Variants in HOXA3 observed in about 807,000 individuals in gnomAD.
The protein encoded by HOXA3 is homeobox protein Hox-A3.
Under a neutral mutation model 30.3 loss-of-function variants are expected in HOXA3, and 8 were observed. The ratio of observed to expected loss-of-function variants is 0.26; its 90% confidence interval spans 0.15 to 0.48. HOXA3 has a LOEUF of 0.48. HOXA3 is among the 20% of genes least tolerant of loss of function. HOXA3 has a pLI of 0.99. For synonymous variants in HOXA3, 323 were observed against 273.1 expected (o/e 1.18, Z -1.80); for missense variants, 653 against 614.4 (o/e 1.06, Z -0.66).
At chr7:27,126,177 G>C (rs1298923665) in intron 3 of HOXA3, among the ~76,000 whole-genome samples, 3 of 152,128 alleles carry the variant, frequency 2.0e-5, no homozygotes, top group Non-Finnish European at 4.4e-5. Flanking sequence ...TTCTTCAAGG[G>C]GGAGAGTGTT....
At position 27,110,255 on chromosome 7, in the gene HOXA3, TGAG is replaced by T. The variant is rs754461790; in HGVS notation, c.383_385del (p.Pro128del). On this transcript the variant is annotated inframe_deletion, in exon 5 of 6. Transcript: ENST00000612286. ...AGGGGTAGGGTTGTTGCTGGCATTCTGAGGAGGGGAGGCAGAAGAGGGAGGCGG... is the reference window on the plus strand; with the variant it reads ...AGGGGTAGGGTTGTTGCTGGCATTCTGAGGGGAGGCAGAAGAGGGAGGCGG... 1.0e-5 allele frequency: 16 copies of T among 1,587,852 alleles called. No homozygotes were observed. Among genetic ancestry groups the T allele is most frequent in the African/African-American group, 1.5e-5 (1 of 68,330 alleles).
chr7:27,108,097 C>T lies in HOXA3; in HGVS notation c.1150G>A (p.Gly384Ser). The change falls in exon 6 of 6, where the codon GGT (glycine) becomes AGT (serine). Residue 384 changes from glycine (G) to serine (S), a missense_variant. By Grantham distance (56) the Gly-to-Ser change is moderately conservative. Coordinates refer to ENST00000612286, the MANE Select transcript of HOXA3 (RefSeq NM_153631.3). The surrounding 1 kb of genome is among the most constrained non-coding windows in gnomAD (Gnocchi z 5.0). The part of the protein sequence containing the change: ...PMSNSGPALF[G>S]LTHLPHAASG... ...GCAGCGTGGGGGAGGTGAGTTAGAC[C>T]AAAGAGGGCTGGCCCGGAGTTGCTC... The T allele has an allele frequency of 6.2e-7, 1 of 1,611,912 alleles. No individual in the cohort carries two copies. Among genetic ancestry groups the T allele is most frequent in the Middle Eastern group, 1.7e-4 (1 of 6,052 alleles).
At position 27,107,991 on chromosome 7, in the gene HOXA3, G is replaced by C; in HGVS notation, c.1256C>G (p.Pro419Arg). ...GTGGCCGGTAAGGTCCGTGTAGGTG[G>C]GGTGCGGCTCCCCAGGCCCCGGCCC... ...HHGPGPGEPH[P>R]TYTDLTGHHP... is the part of the protein sequence containing the mutation. The change falls in exon 6 of 6, where the codon CCC (proline) becomes CGC (arginine). Residue 419 changes from proline (P) to arginine (R), a missense_variant. Pro to Arg is a moderately radical substitution (Grantham distance 103). This residue lies in a region of HOXA3 where 330 missense variants were observed against 274.4 expected (regional missense o/e 1.20). Coordinates refer to ENST00000612286, the MANE Select transcript of HOXA3 (RefSeq NM_153631.3). 3 of 1,611,518 alleles carry C rather than the reference G, an allele frequency of 1.9e-6. No individual in the cohort carries two copies. Among genetic ancestry groups the C allele is most frequent in the Non-Finnish European group, 2.5e-6 (3 of 1,178,314 alleles).
chr7:27,108,563 C>G lies in HOXA3; in HGVS notation c.684G>C (p.Leu228=), dbSNP rs201254304. Residue 228 remains leucine, a synonymous_variant, in exon 6 of 6, where the codon CTG becomes CTC. Transcript: ENST00000612286. This position sits in a 1 kb window ranked among gnomAD's most constrained non-coding sequence, Gnocchi z 5.0. ...TCTTGATCTGGCGCTCAGTGAGGTT[C>G]AGCAGATTGGCCATCTCCACCCGGC... ...RPRRVEMANL[L]NLTERQIKIW... The G allele has an allele frequency of 6.2e-7, 1 of 1,614,172 alleles. No homozygotes were observed. Among genetic ancestry groups the G allele is most frequent in the East Asian group, 2.2e-5 (1 of 44,866 alleles).
chr7:27,136,727 T>C (rs557995043), intron 2 of HOXA3, among the ~76,000 whole-genome samples: 45 of 152,308 alleles, frequency 3.0e-4, no homozygotes, highest in African/African-American at 1.1e-3. Context: ...TCTAATAACC[T>C]TCATAACAAA....
intron 2 of HOXA3, chr7:27,129,188 A>T: frequency 8.5e-7 from 1 of 1,177,390 alleles, no homozygotes; most frequent in Non-Finnish European, 1.3e-6. Flanking sequence ...AGAGAAAAGC[A>T]GGTAAGGGAT....
At chr7:27,147,769 A>G in intron 1 of HOXA3, 1 of 1,592,662 alleles carries the variant, frequency 6.3e-7, no homozygotes, top group South Asian at 1.1e-5. Context: ...CCTCTGCAGG[A>G]CTGTGATTTG....
chr7:27,137,260 G>A (rs898878527), intron 2 of HOXA3, among the ~76,000 whole-genome samples: 1 of 152,160 alleles, frequency 6.6e-6, no homozygotes, highest in Non-Finnish European at 1.5e-5. Flanking sequence ...GGAAAGAGCA[G>A]GAGAAAGGGA....
intron 1 of HOXA3, among the ~76,000 whole-genome samples, chr7:27,144,033 A>C (rs1410921951): frequency 6.6e-6 from 1 of 152,246 alleles, no homozygotes; most frequent in Admixed American, 6.5e-5. Flanking sequence ...TCGCAGTTCC[A>C]TTAGGATGTA....
chr7:27,130,052 C>T, intron 2 of HOXA3: 1 of 1,507,460 alleles, frequency 6.6e-7, no homozygotes, highest in Non-Finnish European at 8.9e-7. Context: ...TCCCTCCTGA[C>T]CCCGACCCTC....
At position 27,110,711 on chromosome 7, in the gene HOXA3, G is replaced by A; in HGVS notation, c.-71C>T. 2 of 1,578,018 alleles carry A rather than the reference G, an allele frequency of 1.3e-6. No homozygotes were observed. Among genetic ancestry groups the A allele is most frequent in the East Asian group, 2.3e-5 (1 of 43,878 alleles). ...CACCCGTGAGGGCGCACATTGGCAC[G>A]CCCCCGCGGTCACGTGACACTCCGC... On this transcript the variant is annotated 5_prime_UTR_variant, in exon 5 of 6. Coordinates refer to ENST00000612286, the MANE Select transcript of HOXA3 (RefSeq NM_153631.3).
At chr7:27,136,189 C>T (rs146756769) in intron 2 of HOXA3, among the ~76,000 whole-genome samples, 4 of 152,370 alleles carry the variant, frequency 2.6e-5, no homozygotes, top group Non-Finnish European at 4.4e-5. Flanking sequence ...CAAAGATACA[C>T]AAAGCCGAGC....
In HOXA3 at chr7:27,113,291, C is replaced by T. The variant is rs1222737142; in HGVS notation, c.-120-2531G>A. 6.6e-6 allele frequency among the ~76,000 whole-genome samples: 1 copy of T among 152,222 alleles called. No homozygotes were observed. Among genetic ancestry groups the T allele is most frequent in the Non-Finnish European group, 1.5e-5 (1 of 68,046 alleles). On this transcript the variant is annotated intron_variant, in intron 4 of 5. Coordinates refer to ENST00000612286, the MANE Select transcript of HOXA3 (RefSeq NM_153631.3). This position sits in a 1 kb window ranked among gnomAD's most constrained non-coding sequence, Gnocchi z 4.8. Reference sequence around the variant, plus strand: ...CCAAATTCAACCTCCGTCCTTCAGACATCGCTCCCTCTTCCCATTCCCTCC... The same window carrying T: ...CCAAATTCAACCTCCGTCCTTCAGATATCGCTCCCTCTTCCCATTCCCTCC...
At chr7:27,142,270 A>G (rs1478064846) in intron 1 of HOXA3, among the ~76,000 whole-genome samples, 1 of 152,088 alleles carries the variant, frequency 6.6e-6, no homozygotes, top group African/African-American at 2.4e-5. Flanking sequence ...TACGATTTGG[A>G]CCCTGGGAAC....
chr7:27,124,008 C>T (rs747891811), intron 3 of HOXA3: 1 of 152,294 alleles, frequency 6.6e-6, no homozygotes, highest in African/African-American at 2.4e-5. Context: ...CAATTTCATT[C>T]CAGAAAGATC....
chr7:27,151,530 C>T (rs1225254432), intron 1 of HOXA3: 1 of 454,194 alleles, frequency 2.2e-6, no homozygotes, highest in Non-Finnish European at 4.4e-6. Context: ...CCGAAACTTC[C>T]CACCAAGTAA....
chr7:27,142,930 C>T (rs1782625188), intron 1 of HOXA3: 5 of 1,003,516 alleles, frequency 5.0e-6, no homozygotes, highest in Admixed American at 2.6e-5. Context: ...AGGAGAGCTC[C>T]GCAGGGCTGG....
At chr7:27,142,020 G>A (rs1408969291) in intron 1 of HOXA3, 1 of 1,614,188 alleles carries the variant, frequency 6.2e-7, no homozygotes, top group Non-Finnish European at 8.5e-7. Context: ...TCCTTCTCCA[G>A]CTCCAGGGTC....
In HOXA3 at chr7:27,110,421, T is replaced by G. The variant is rs2128040080; in HGVS notation, c.220A>C (p.Thr74Pro). 6.5e-7 allele frequency: 1 copy of G among 1,548,140 alleles called. No homozygotes were observed. The highest frequency in any genetic ancestry group is 8.7e-7 in the Non-Finnish European group (1 of 1,148,990). Residue 74 changes from threonine (T) to proline (P), a missense_variant, in exon 5 of 6, where the codon ACC becomes CCC. Physicochemically the swap from Thr to Pro is conservative, Grantham distance 38. This residue lies in a region of HOXA3 where 320 missense variants were observed against 321.9 expected (regional missense o/e 0.99). Coordinates refer to ENST00000612286, the MANE Select transcript of HOXA3 (RefSeq NM_153631.3). ...GGCTGGCTAGGTGGGGCGCTCAGGG[T>G]GCGCAGGCACGCCTCACTCAGTTCG... ...AHELSEACLR[T>P]LSAPPSQPPS...
Sources: allele counts gnomAD v4.1 joint callset (sites outside exome capture counted in the v4.1 genomes callset), GRCh38; gene constraint gnomAD v4.1.1; regional missense constraint gnomAD v4.1.1; non-coding constraint Gnocchi (gnomAD v3.1); transcripts MANE v1.5; gene names NCBI Gene and HGNC (gene_info 2026-07-23, HGNC 2026-07-21).